The following GALNT17 variants were observed in gnomAD, a reference collection of about 807,000 sequenced individuals.
The protein encoded by GALNT17 is UDP-GalNAc:polypeptide N-acetylgalactosaminyltransferase-like 3.
GALNT17 carries 29 observed loss-of-function variants against 63.7 expected under a neutral mutation model. The observed-to-expected ratio is 0.46, with a 90% confidence interval of 0.34 to 0.62. The LOEUF (loss-of-function observed/expected upper bound fraction) is 0.62. Ranked by LOEUF, GALNT17 falls within the 20% of genes least tolerant of loss-of-function variation. The probability of loss-of-function intolerance (pLI) is 0.01; values close to 1 mark genes in which losing one functional copy is unlikely to be tolerated. For missense variants in GALNT17, 603 were observed against 799.6 expected (o/e 0.75, Z 2.97); for synonymous variants, 305 against 318.3 (o/e 0.96, Z 0.45).
chr7:71,675,529 G>A (rs961010718), intron 8 of GALNT17, among the ~76,000 whole-genome samples: 2 of 150,998 alleles, frequency 1.3e-5, no homozygotes, highest in Admixed American at 6.6e-5. Flanking sequence ...AGGCTGAGGT[G>A]GGAGGATTGC....
intron 2 of GALNT17, among the ~76,000 whole-genome samples, chr7:71,363,733 C>T (rs1012351507): frequency 2.0e-5 from 3 of 152,170 alleles, no homozygotes; most frequent in African/African-American, 4.8e-5. Flanking sequence ...ATCGGACAGC[C>T]GCGTGGTGGA....
intron 9 of GALNT17, among the ~76,000 whole-genome samples, chr7:71,700,642 T>C (rs1791617999): frequency 6.6e-6 from 1 of 152,218 alleles, no homozygotes; most frequent in Non-Finnish European, 1.5e-5. Context: ...TCCAGGCCTT[T>C]AAACAGCTGC....
chr7:71,331,355 A>G (rs1791804587), intron 1 of GALNT17, among the ~76,000 whole-genome samples: 1 of 152,150 alleles, frequency 6.6e-6, no homozygotes. Flanking sequence ...AACAGGTCTC[A>G]TAATCTGCCT....
intron 5 of GALNT17, among the ~76,000 whole-genome samples, chr7:71,547,812 C>G (rs1028644267): frequency 3.3e-5 from 5 of 152,128 alleles, no homozygotes; most frequent in Non-Finnish European, 5.9e-5. Context: ...GGGATTGAAG[C>G]TAATTGTTTT....
At chr7:71,677,133 C>T in intron 8 of GALNT17, 78 bp from the exon 9 acceptor site, 4 of 1,471,200 alleles carry the variant, frequency 2.7e-6, no homozygotes, top group Non-Finnish European at 2.9e-6. Context: ...TGGAACCAAG[C>T]CATGGTAGAA....
At chr7:71,443,986 C>G (rs1787115363) in intron 5 of GALNT17, among the ~76,000 whole-genome samples, 1 of 152,186 alleles carries the variant, frequency 6.6e-6, no homozygotes, top group South Asian at 2.1e-4. Flanking sequence ...CTTGGCCTCC[C>G]AAAGTGCTGG....
At chr7:71,300,740 G>T (rs146532968) in intron 1 of GALNT17, 1 of 241,080 alleles carries the variant, frequency 4.1e-6, no homozygotes. Flanking sequence ...TCCCATCACT[G>T]CGTCTCCTCT....
At chr7:71,153,704 G>A (rs1788176069) in intron 1 of GALNT17, among the ~76,000 whole-genome samples, 1 of 152,092 alleles carries the variant, frequency 6.6e-6, no homozygotes, top group Admixed American at 6.6e-5. Context: ...ATCATTTGAG[G>A]TCAGGAGTTT....
intron 5 of GALNT17, among the ~76,000 whole-genome samples, chr7:71,536,373 G>A (rs1469142535): frequency 6.6e-6 from 1 of 152,190 alleles, no homozygotes; most frequent in Non-Finnish European, 1.5e-5. Flanking sequence ...AAGGAAGACA[G>A]GTCTTCAGCT....
At chr7:71,387,079 C>G (rs1040151423) in intron 2 of GALNT17, among the ~76,000 whole-genome samples, 1 of 151,704 alleles carries the variant, frequency 6.6e-6, no homozygotes, top group Non-Finnish European at 1.5e-5. Flanking sequence ...CATCCCCTCT[C>G]CAAAGGGTGT....
chr7:71,496,828 C>T (rs1035524319), intron 5 of GALNT17, among the ~76,000 whole-genome samples: 3 of 152,074 alleles, frequency 2.0e-5, no homozygotes, highest in Non-Finnish European at 2.9e-5. Context: ...AATCCTAGCA[C>T]TTTGGGCGGC....
At chr7:71,483,331 G>A (rs912333847) in intron 5 of GALNT17, among the ~76,000 whole-genome samples, 14 of 152,028 alleles carry the variant, frequency 9.2e-5, no homozygotes, top group South Asian at 8.3e-4. Flanking sequence ...TCAGCCTGGC[G>A]TGGTGGCAGG....
intron 8 of GALNT17, among the ~76,000 whole-genome samples, chr7:71,674,693 T>C (rs1392718101): frequency 6.6e-6 from 1 of 152,068 alleles, no homozygotes; most frequent in East Asian, 1.9e-4. Flanking sequence ...TTTTGTTTAT[T>C]TTTTGTGAAG....
intron 1 of GALNT17, among the ~76,000 whole-genome samples, chr7:71,325,255 G>A (rs1328627118): frequency 2.0e-5 from 3 of 152,172 alleles, no homozygotes; most frequent in Non-Finnish European, 4.4e-5. Context: ...TCTAGCATAA[G>A]GTAGGATCTC....
At chr7:71,484,974 T>A (rs1787887018) in intron 5 of GALNT17, among the ~76,000 whole-genome samples, 1 of 144,738 alleles carries the variant, frequency 6.9e-6, no homozygotes, top group Non-Finnish European at 1.5e-5. Flanking sequence ...TTTTTTTTTT[T>A]TTTTTTTTTT....
chr7:71,342,474 C>T (rs1035513553), intron 2 of GALNT17, among the ~76,000 whole-genome samples: 2 of 152,132 alleles, frequency 1.3e-5, no homozygotes, highest in African/African-American at 2.4e-5. Flanking sequence ...CTGAGACATG[C>T]ATCCCAACCA....
chr7:71,459,216 C>T (rs1284133189), intron 5 of GALNT17, among the ~76,000 whole-genome samples: 9 of 152,106 alleles, frequency 5.9e-5, no homozygotes, highest in African/African-American at 1.7e-4. Context: ...GGGGCTACCA[C>T]ATGGGCAGAT....
At chr7:71,134,736 T>C (rs1237396304) in intron 1 of GALNT17, among the ~76,000 whole-genome samples, 1 of 151,926 alleles carries the variant, frequency 6.6e-6, no homozygotes, top group Non-Finnish European at 1.5e-5. Context: ...ATTCCTGCTG[T>C]AGACATACCC....
chr7:71,154,196 C>T, intron 1 of GALNT17, among the ~76,000 whole-genome samples: 1 of 149,660 alleles, frequency 6.7e-6, no homozygotes, highest in Non-Finnish European at 1.5e-5. Flanking sequence ...AGCCCCCATA[C>T]TGGAGGGACC....
Sources: gnomAD v4.1 joint callset for allele counts (sites outside exome capture counted in the v4.1 genomes callset) on GRCh38, gnomAD v4.1.1 for gene constraint, MANE v1.5 for transcripts, NCBI Gene and HGNC (gene_info 2026-07-23, HGNC 2026-07-21) for gene names.